Variants in TRPA1 observed in about 807,000 individuals in gnomAD.
TRPA1 encodes the protein ankyrin-like with transmembrane domains 1.
TRPA1 carries 129 observed loss-of-function variants against 131.3 expected under a neutral mutation model. The ratio of observed to expected loss-of-function variants is 0.98; its 90% CI spans 0.85 to 1.14. The LOEUF (loss-of-function observed/expected upper bound fraction) is 1.14, where lower values mean the gene tolerates loss of function less well. TRPA1 is among the 50% of genes most tolerant of loss of function. The probability of loss-of-function intolerance (pLI) is 0.00; values close to 1 mark genes in which losing one functional copy is unlikely to be tolerated. For synonymous variants in TRPA1, 441 were observed against 451.7 expected (o/e 0.98, Z 0.30); for missense variants, 1,304 against 1,354.2 (o/e 0.96, Z 0.58).
At chr8:72,038,093 A>G (rs368408527) in intron 19 of TRPA1, 21 bp from the exon 20 acceptor site, 1 of 1,213,586 alleles carries the variant, frequency 8.2e-7, no homozygotes, top group Non-Finnish European at 1.2e-6. Flanking sequence ...AAAGGATAAG[A>G]CACATAGTTA....
At position 72,036,349 on chromosome 8, in the gene TRPA1, A is replaced by C. The variant is rs1241512019; in HGVS notation, c.2494T>G (p.Trp832Gly). ...LFVEIPAHLQ[W>G]QCGAIAVYFY... Reference sequence around the variant, plus strand: ...TAAACAGCAATTGCTCCACATTGCCACTGCAGATGAGCTGGTATTTCAACA... The same window carrying C: ...TAAACAGCAATTGCTCCACATTGCCCCTGCAGATGAGCTGGTATTTCAACA... The change falls in exon 21 of 27, where the codon TGG (tryptophan) becomes GGG (glycine). Residue 832 changes from tryptophan (W) to glycine (G), a missense_variant. Transcript: ENST00000262209. 2 of 1,614,196 alleles carry C rather than the reference A, an allele frequency of 1.2e-6. No individual in the cohort carries two copies.
chr8:72,053,001 T>TGTGTG (rs1805557683), intron 13 of TRPA1: 3 of 194,896 alleles, frequency 1.5e-5, no homozygotes, highest in African/African-American at 9.8e-5. Flanking sequence ...GTGTGAGAGA[T>TGTGTG]AGAGAAAGAG....
chr8:72,088,790 T>C, the TRPA1 span, among the ~76,000 whole-genome samples: 1 of 152,088 alleles, frequency 6.6e-6, no homozygotes, highest in African/African-American at 2.4e-5. Context: ...TACTTTGTTA[T>C]AGAGAAACCT....
chr8:72,056,828 T>C (rs1246003527), intron 10 of TRPA1, 89 bp downstream of exon 10: 1 of 918,158 alleles, frequency 1.1e-6, no homozygotes, highest in Admixed American at 2.2e-5. Context: ...AGAATCAGTT[T>C]ATATAATAAC....
At position 72,021,589 on chromosome 8, in the gene TRPA1, C is replaced by T. The variant is rs1811393156; in HGVS notation, c.*1317G>A. On this transcript the variant is annotated 3_prime_UTR_variant, in exon 27 of 27. Coordinates refer to ENST00000262209, the MANE Select transcript of TRPA1 (RefSeq NM_007332.3). ...TGTCTGGTTTTGTAATAGTACATAT[C>T]GTCCCTCAGCACTCTGCTGGTTTGT... 2.6e-5 allele frequency: 4 copies of T among 151,960 alleles called. No individual in the cohort carries two copies. In the South Asian group the frequency reaches 6.2e-4, roughly 24 times the overall value. 9.4% of individuals were successfully genotyped at this position (151,960 alleles called of 1,614,324 possible).
In TRPA1 at chr8:72,038,739, T is replaced by C. The variant is rs889201990; in HGVS notation, c.2295+126A>G. 88 of 810,852 alleles carry C rather than the reference T, an allele frequency of 1.1e-4. 1 individual carries two copies. In the South Asian group the frequency reaches 1.6e-3, roughly 14 times the overall value. The allele number at this position is 810,852 out of a possible 1,614,324, so 50.2% of individuals were successfully genotyped here. On this transcript the variant is annotated intron_variant, in intron 19 of 26. Transcript: ENST00000262209. ...GATTTTAGGAGAAATTATTACTGTA[T>C]ACAAATTCTTACAGGCTATTTATAA...
At chr8:72,059,123 C>T (rs777604788) in intron 8 of TRPA1, among the ~76,000 whole-genome samples, 1 of 152,180 alleles carries the variant, frequency 6.6e-6, no homozygotes, top group Non-Finnish European at 1.5e-5. Context: ...GCTTTCCTTG[C>T]AATGTACCTG....
chr8:72,057,841 C>T (rs769097609), intron 8 of TRPA1, 25 bp from the exon 9 acceptor site: 7 of 1,533,366 alleles, frequency 4.6e-6, no homozygotes, highest in Middle Eastern at 1.7e-4. Flanking sequence ...AACCATTCAA[C>T]AAAGAGCTTA....
At chr8:72,072,213 T>C (rs1467071552) in intron 1 of TRPA1, among the ~76,000 whole-genome samples, 3 of 152,214 alleles carry the variant, frequency 2.0e-5, no homozygotes, top group South Asian at 2.1e-4. Flanking sequence ...TAGTCTCATA[T>C]GCCACATGAT....
At chr8:72,075,254 G>T in intron 1 of TRPA1, 45 bp downstream of exon 1, 2 of 1,484,312 alleles carry the variant, frequency 1.3e-6, no homozygotes, top group Non-Finnish European at 9.4e-7. Flanking sequence ...GCCGACCCCC[G>T]CCCGCACGTC....
chr8:72,023,254 C>T, intron 26 of TRPA1, 138 bp from the exon 27 acceptor site: 1 of 757,752 alleles, frequency 1.3e-6, no homozygotes, highest in East Asian at 2.7e-5. Context: ...AGTCACAATC[C>T]TTCCAGGAAA....
intron 13 of TRPA1, 198 bp from the exon 14 acceptor site, chr8:72,052,963 A>ATATGTGTGTGTGTGTGTGTGTG: frequency 3.1e-6 from 1 of 325,092 alleles, no homozygotes. Flanking sequence ...TGGGAAGTGG[A>ATATGTGTGTGTGTGTGTGTGTG]TCTGTGTGTG....
chr8:72,025,336 C>T (rs1249489060), intron 25 of TRPA1, among the ~76,000 whole-genome samples: 2 of 152,060 alleles, frequency 1.3e-5, no homozygotes, highest in East Asian at 3.9e-4. Flanking sequence ...CTCATGCGTT[C>T]GTTCTCCTTC....
At chr8:72,023,560 C>T in intron 26 of TRPA1, 2 of 447,182 alleles carry the variant, frequency 4.5e-6, no homozygotes, top group Non-Finnish European at 8.1e-6. Context: ...ATGATACTAC[C>T]TCCAAGAGAA....
At chr8:72,029,990 A>G in intron 23 of TRPA1, 21 bp from the exon 24 acceptor site, 2 of 1,607,098 alleles carry the variant, frequency 1.2e-6, no homozygotes, top group South Asian at 2.2e-5. Flanking sequence ...ACACAAAATT[A>G]AATCACTACA....
At position 72,059,164 on chromosome 8, in the gene TRPA1, G is replaced by A. The variant is rs187202341; in HGVS notation, c.993+226C>T. Among the ~76,000 whole-genome samples the A allele has an allele frequency of 7.2e-5, 11 of 152,270 alleles. No individual in the cohort carries two copies. In the East Asian group the frequency reaches 2.1e-3, roughly 29 times the overall value. ...TTCCTGCACTAAAAACACTGATATG[G>A]ATATCCAAATTACGCTTTGACACTT... On this transcript the variant is annotated intron_variant, in intron 8 of 26. Transcript: ENST00000262209.
chr8:72,060,777 TC>T (rs1805788984), intron 7 of TRPA1, among the ~76,000 whole-genome samples: 2 of 152,132 alleles, frequency 1.3e-5, no homozygotes, highest in South Asian at 4.1e-4. Context: ...GGAGTTCCTT[TC>T]CATTCACACA....
intron 15 of TRPA1, among the ~76,000 whole-genome samples, chr8:72,050,168 C>A (rs1805464415): frequency 6.6e-6 from 1 of 152,052 alleles, no homozygotes; most frequent in Non-Finnish European, 1.5e-5. Flanking sequence ...TGTTCAATTC[C>A]CACCTATGAG....
chr8:72,026,726 A>G lies in TRPA1; in HGVS notation c.2938-653T>C, dbSNP rs1023380970. 2.6e-5 allele frequency among the ~76,000 whole-genome samples: 4 copies of G among 152,120 alleles called. No homozygotes were observed. In the East Asian group the frequency reaches 7.7e-4, roughly 29 times the overall value. On this transcript the variant is annotated intron_variant, in intron 24 of 26. Transcript: ENST00000262209. ...TCCTCACATTTAATTTTTTTCATTTATTTTTGCCAAATTTATCTCTGCTTT... is the reference window on the plus strand; with the variant it reads ...TCCTCACATTTAATTTTTTTCATTTGTTTTTGCCAAATTTATCTCTGCTTT...
Sources: allele counts gnomAD v4.1 joint callset (sites outside exome capture counted in the v4.1 genomes callset), GRCh38; gene constraint gnomAD v4.1.1; transcripts MANE v1.5; gene names NCBI Gene and HGNC (gene_info 2026-07-23, HGNC 2026-07-21).